The following SLF2 variants were observed in gnomAD, a reference collection of about 807,000 sequenced individuals.
SLF2 encodes SMC5-SMC6 complex localization factor protein 2.
A neutral mutation model predicts 124.3 loss-of-function variants in SLF2; 68 were observed. The observed-to-expected ratio is 0.55, with a 90% confidence interval of 0.45 to 0.67. SLF2 has a LOEUF of 0.67. SLF2 is among the 30% of genes least tolerant of loss of function. SLF2 has a pLI of 0.00. For synonymous variants in SLF2, 480 were observed against 478.8 expected (o/e 1.00, Z -0.03); for missense variants, 1,246 against 1,373.7 (o/e 0.91, Z 1.47).
At chr10:100,915,001 A>G (rs965963225) in intron 1 of SLF2, among the ~76,000 whole-genome samples, 3 of 152,198 alleles carry the variant, frequency 2.0e-5, no homozygotes, top group African/African-American at 7.2e-5. Context: ...TTTTTTGTTC[A>G]GCATATCATA....
rs1850195658 is a variant in SLF2, at chr10:100,950,732, T to C, written c.3309T>C (p.His1103=). ...TAGTCGGTGAAGTTAGTTGTTCTCA[T>C]TCTTTTTCTTCTGGACAACGGGTAG... ...LHLVGEVSCS[H]SFSSGQRKHF... is the part of the protein sequence containing the mutation. Residue 1103 remains histidine, a synonymous_variant, in exon 17 of 20, where the codon CAT becomes CAC. Coordinates refer to ENST00000238961, the MANE Select transcript of SLF2 (RefSeq NM_018121.4). The C allele has an allele frequency of 6.2e-7, 1 of 1,614,008 alleles. No homozygotes were observed. The highest frequency in any genetic ancestry group is 8.5e-7 in the Non-Finnish European group (1 of 1,179,898).
Position 100,918,449 on chromosome 10 carries a change from C to T in SLF2, c.973+8C>T. 6.5e-7 allele frequency: 1 copy of T among 1,549,774 alleles called. No homozygotes were observed. Among genetic ancestry groups the T allele is most frequent in the Non-Finnish European group, 8.7e-7 (1 of 1,144,136 alleles). ...CATGGGAACCTACTTCAGGTAGAAT[C>T]AAAATTAAATTTATGGATTTCTAAA... On this transcript the variant is annotated splice_region_variant and intron_variant, in intron 4 of 19. Transcript: ENST00000238961.
At chr10:100,926,152 A>G (rs1849607410) in intron 6 of SLF2, 133 bp downstream of exon 6, 1 of 1,563,956 alleles carries the variant, frequency 6.4e-7, no homozygotes, top group African/African-American at 1.4e-5. Flanking sequence ...ACTGTGTTAG[A>G]ATAAGATATG....
At chr10:100,936,540 T>G (rs893698135) in intron 9 of SLF2, among the ~76,000 whole-genome samples, 1 of 151,944 alleles carries the variant, frequency 6.6e-6, no homozygotes, top group Non-Finnish European at 1.5e-5. Flanking sequence ...TTTCACCATG[T>G]TAGCCAGGAT....
At chr10:100,921,094 A>C (rs1424374656) in intron 4 of SLF2, among the ~76,000 whole-genome samples, 2 of 152,248 alleles carry the variant, frequency 1.3e-5, no homozygotes, top group Non-Finnish European at 2.9e-5. Context: ...GTAATGTTAG[A>C]CTAGGCATTT....
chr10:100,926,135 G>A, intron 6 of SLF2, 116 bp downstream of exon 6: 1 of 1,574,240 alleles, frequency 6.4e-7, no homozygotes, highest in Non-Finnish European at 8.6e-7. Context: ...TTTGGACTCT[G>A]TTGTCAACTG....
Position 100,959,414 on chromosome 10 carries a change from T to C in SLF2, c.3418-14T>C. On this transcript the variant is annotated splice_polypyrimidine_tract_variant and intron_variant, in intron 18 of 19. Transcript: ENST00000238961. ...TTTAATCTGATCCCTTTTCCTGTTT[T>C]TGATATTTTTAAGGTGAAAGACTTG... The C allele has an allele frequency of 6.3e-7, 1 of 1,599,072 alleles. No individual in the cohort carries two copies. The highest frequency in any genetic ancestry group is 1.1e-5 in the South Asian group (1 of 88,542).
chr10:100,914,078 TGTAAG>T (rs1336561371), intron 1 of SLF2, among the ~76,000 whole-genome samples: 2 of 152,216 alleles, frequency 1.3e-5, no homozygotes, highest in African/African-American at 4.8e-5. Flanking sequence ...CTAAAACTAA[TGTAAG>T]GCTGTTTGTG....
At chr10:100,939,682 A>C (rs1028239226) in intron 11 of SLF2, among the ~76,000 whole-genome samples, 1 of 152,170 alleles carries the variant, frequency 6.6e-6, no homozygotes, top group African/African-American at 2.4e-5. Flanking sequence ...CATCTAAAAA[A>C]AAAAAAGGAA....
At chr10:100,923,841 C>A in intron 4 of SLF2, 134 bp from the exon 5 acceptor site, 1 of 605,202 alleles carries the variant, frequency 1.7e-6, no homozygotes, top group Non-Finnish European at 2.5e-6. Context: ...TTTCTGCATT[C>A]CATATATGGT....
intron 17 of SLF2, among the ~76,000 whole-genome samples, chr10:100,955,152 G>C (rs1293348414): frequency 6.6e-6 from 1 of 151,766 alleles, no homozygotes. Context: ...ATGTTAGTGA[G>C]GATGGTCTTG....
At position 100,964,193 on chromosome 10, in the gene SLF2, A is replaced by G. The variant is rs1850472363; in HGVS notation, c.*2281A>G. 1 of 152,640 alleles carries G rather than the reference A, an allele frequency of 6.6e-6. No homozygotes were observed. Among genetic ancestry groups the G allele is most frequent in the African/African-American group, 2.4e-5 (1 of 41,456 alleles). The allele number at this position is 152,640 out of a possible 1,614,324, so 9.5% of individuals were successfully genotyped here. A position where few individuals can be genotyped will look rare whatever the true frequency, so the allele number is the denominator to read the frequency against. On this transcript the variant is annotated 3_prime_UTR_variant, in exon 20 of 20. Coordinates refer to ENST00000238961, the MANE Select transcript of SLF2 (RefSeq NM_018121.4). Reference sequence around the variant, plus strand: ...GTGAATGGGATGGTAGAGAGGGAGAAATGTTCATTGCACAGAGAATGTCAG... The same window carrying G: ...GTGAATGGGATGGTAGAGAGGGAGAGATGTTCATTGCACAGAGAATGTCAG...
intron 9 of SLF2, 99 bp downstream of exon 9, chr10:100,931,177 T>A (rs1397422131): frequency 2.3e-6 from 2 of 882,658 alleles, no homozygotes; most frequent in East Asian, 2.5e-5. Flanking sequence ...GCAGAAAAAA[T>A]TAATGTAGCA....
In SLF2 at chr10:100,924,290, G is replaced by T. The variant is rs762968969; in HGVS notation, c.1289G>T (p.Gly430Val). The change falls in exon 5 of 20, where the codon GGT (glycine) becomes GTT (valine). Residue 430 changes from glycine (G) to valine (V), a missense_variant. Physicochemically the swap from Gly to Val is moderately radical, Grantham distance 109. Transcript: ENST00000238961. ...TRNSDQIQVAGTKETKMQKPH... is the reference protein window; with the variant it reads ...TRNSDQIQVAVTKETKMQKPH... The stretch of plus-strand genomic sequence containing the variant: ...AATAGTGACCAAATCCAAGTGGCAG[G>T]TACCAAGGAGACTAAGATGCAGAAA... 1 of 1,613,954 alleles carries T rather than the reference G, an allele frequency of 6.2e-7. No homozygotes were observed. The highest frequency in any genetic ancestry group is 1.3e-5 in the African/African-American group (1 of 74,896).
intron 18 of SLF2, among the ~76,000 whole-genome samples, chr10:100,957,407 G>A (rs1456741580): frequency 7.5e-6 from 1 of 132,548 alleles, no homozygotes; most frequent in Non-Finnish European, 1.5e-5. Flanking sequence ...CTGGAGTGCA[G>A]TGGCACAAAT....
chr10:100,948,587 G>GA (rs1273258027), intron 15 of SLF2, among the ~76,000 whole-genome samples: 1 of 152,056 alleles, frequency 6.6e-6, no homozygotes, highest in African/African-American at 2.4e-5. Flanking sequence ...GCTTGGATTT[G>GA]AAAACTCACC....
intron 11 of SLF2, 46 bp downstream of exon 11, chr10:100,938,782 G>C: frequency 1.3e-6 from 2 of 1,503,760 alleles, no homozygotes; most frequent in South Asian, 1.3e-5. Context: ...CATTTCGTAC[G>C]ACTTATATAT....
At chr10:100,939,957 GT>G (rs1345448147) in intron 11 of SLF2, among the ~76,000 whole-genome samples, 2 of 152,202 alleles carry the variant, frequency 1.3e-5, no homozygotes, top group South Asian at 2.1e-4. Flanking sequence ...TAGAGACTAT[GT>G]TTCATCACTT....
In SLF2 at chr10:100,929,420, G is replaced by A. The variant is rs776537674; in HGVS notation, c.2146G>A (p.Gly716Ser). The change falls in exon 7 of 20, where the codon GGC (glycine) becomes AGC (serine). Residue 716 changes from glycine to serine, a missense_variant. By Grantham distance (56) the Gly-to-Ser change is moderately conservative (BLOSUM62 0). This residue lies in a region of SLF2 where 535 missense variants were observed against 632.8 expected (regional missense o/e 0.85). Coordinates refer to ENST00000238961, the MANE Select transcript of SLF2 (RefSeq NM_018121.4). The part of the protein sequence containing the change: ...GEEDSTDDED[G>S]LLEEHKEFLK... ...AGAAGACAGTACAGATGATGAGGAT[G>A]GCCTCTTAGAAGAGCACAAGTATAG... 5 of 1,610,328 alleles carry A rather than the reference G, an allele frequency of 3.1e-6. No homozygotes were observed. The highest frequency in any genetic ancestry group is 4.2e-6 in the Non-Finnish European group (5 of 1,178,154).
Sources: gnomAD v4.1 joint callset for allele counts (sites outside exome capture counted in the v4.1 genomes callset) on GRCh38, gnomAD v4.1.1 for gene constraint, gnomAD v4.1.1 regional missense constraint, MANE v1.5 for transcripts, NCBI Gene and HGNC (gene_info 2026-07-23, HGNC 2026-07-21) for gene names.